Variants in EPSTI1 observed in about 807,000 individuals in gnomAD.
EPSTI1 encodes the protein epithelial stromal interaction 1.
A neutral mutation model predicts 49.9 loss-of-function variants in EPSTI1; 66 were observed. The ratio of observed to expected loss-of-function variants is 1.32; its 90% CI spans 1.08 to 1.62. The LOEUF (loss-of-function observed/expected upper bound fraction) is 1.62. EPSTI1 is among the 40% of genes most tolerant of loss of function. EPSTI1 has a pLI of 0.00. For synonymous variants in EPSTI1, 137 were observed against 130.7 expected, an observed-to-expected ratio of 1.05 and a Z score of -0.33; for missense variants, 394 against 365.5, an observed-to-expected ratio of 1.08 and a Z score of -0.64.
At chr13:42,963,996 TCA>T (rs2039535489) in intron 4 of EPSTI1, 68 bp downstream of exon 4, 3 of 1,318,184 alleles carry the variant, frequency 2.3e-6, no homozygotes, top group Admixed American at 4.2e-5. Flanking sequence ...CTGTGTTATT[TCA>T]CAGTTACTTG....
chr13:42,929,150 T>TA (rs1329089084), intron 6 of EPSTI1, among the ~76,000 whole-genome samples: 1 of 152,260 alleles, frequency 6.6e-6, no homozygotes, highest in Non-Finnish European at 1.5e-5. Context: ...TGCTCACGTC[T>TA]AAATCTCAGT....
chr13:42,894,188 G>T (rs573291957), intron 10 of EPSTI1, among the ~76,000 whole-genome samples: 3 of 152,190 alleles, frequency 2.0e-5, no homozygotes, highest in Admixed American at 2.0e-4. Flanking sequence ...ATGATCTTTT[G>T]TCTGTCAAGT....
chr13:42,952,511 A>G (rs974168110), intron 6 of EPSTI1, among the ~76,000 whole-genome samples: 4 of 152,192 alleles, frequency 2.6e-5, no homozygotes, highest in African/African-American at 4.8e-5. Flanking sequence ...ATACATTCAC[A>G]GTCTTCATCT....
At chr13:42,960,908 GCTCT>G (rs1488408911) in intron 5 of EPSTI1, among the ~76,000 whole-genome samples, 4 of 152,088 alleles carry the variant, frequency 2.6e-5, no homozygotes, top group East Asian at 1.9e-4. Context: ...TGCAGGATAC[GCTCT>G]CTATTTTAAG....
At chr13:42,920,163 G>T (rs1489911754) in intron 7 of EPSTI1, among the ~76,000 whole-genome samples, 1 of 152,100 alleles carries the variant, frequency 6.6e-6, no homozygotes, top group East Asian at 1.9e-4. Context: ...TCTGAATAAG[G>T]TCACATTCTG....
chr13:42,932,873 C>T (rs960515474), intron 6 of EPSTI1, among the ~76,000 whole-genome samples: 3 of 152,184 alleles, frequency 2.0e-5, no homozygotes, highest in Non-Finnish European at 4.4e-5. Flanking sequence ...GACATGGCAT[C>T]ACTTCTGTAA....
chr13:42,973,903 T>C (rs1040867158), intron 1 of EPSTI1, among the ~76,000 whole-genome samples: 5 of 152,250 alleles, frequency 3.3e-5, no homozygotes, highest in African/African-American at 7.2e-5. Context: ...TGAAATTTAA[T>C]GAAAGATCTC....
intron 10 of EPSTI1, among the ~76,000 whole-genome samples, chr13:42,891,406 C>G (rs1228327302): frequency 6.6e-6 from 1 of 152,176 alleles, no homozygotes; most frequent in Non-Finnish European, 1.5e-5. Flanking sequence ...GTGTTTGTAT[C>G]ATTTTGCATG....
intron 6 of EPSTI1, among the ~76,000 whole-genome samples, chr13:42,935,398 A>C (rs1294493062): frequency 1.3e-5 from 2 of 152,170 alleles, no homozygotes; most frequent in Non-Finnish European, 2.9e-5. Context: ...AGATCAAGTC[A>C]ACCATCTGCT....
rs866969863 is a variant in EPSTI1, at chr13:42,955,889, G to A, written c.490-1868C>T. ...ATGAAGAAGTATTTGGGGGGGGGGG[G>A]AAGTAGTAGTAGTAGTATTTCTGGA... On this transcript the variant is annotated intron_variant, in intron 5 of 10. Transcript: ENST00000313624. Among the ~76,000 whole-genome samples, 1,269 of 131,006 alleles carry A rather than the reference G, an allele frequency of 9.7e-3. 15 individuals are homozygous for A. The highest frequency in any genetic ancestry group is 0.014 in the Non-Finnish European group (841 of 60,788). 85.9% of individuals were successfully genotyped at this position (131,006 alleles called of 152,430 possible).
intron 8 of EPSTI1, among the ~76,000 whole-genome samples, chr13:42,910,959 A>G (rs1465621803): frequency 2.6e-5 from 4 of 152,328 alleles, no homozygotes; most frequent in African/African-American, 9.6e-5. Context: ...TAGTTCACTG[A>G]AGTGTTTTTT....
rs902620901 is a variant in EPSTI1 at position 42,954,810 on chromosome 13, T to C, written c.490-789A>G. ...CACATTCTACTATCCAGGAGGATCA[T>C]GAAGTTTTAAATGAATCCAAGAGAG... On this transcript the variant is annotated intron_variant, in intron 5 of 10. Transcript: ENST00000313624. 7.2e-5 allele frequency among the ~76,000 whole-genome samples: 11 copies of C among 152,306 alleles called. No homozygotes were observed. In the East Asian group the frequency reaches 2.1e-3, roughly 29 times the overall value.
intron 10 of EPSTI1, among the ~76,000 whole-genome samples, chr13:42,892,656 G>T (rs1232062258): frequency 1.3e-5 from 2 of 152,166 alleles, no homozygotes; most frequent in Non-Finnish European, 2.9e-5. Context: ...ACACAAGTCT[G>T]GAGTTTGGAG....
chr13:42,963,448 C>A (rs1301844382), intron 4 of EPSTI1, 110 bp from the exon 5 acceptor site: 15 of 785,846 alleles, frequency 1.9e-5, no homozygotes, highest in Admixed American at 5.4e-5. Context: ...TTGTGCTATA[C>A]CTCACCATGA....
At chr13:42,977,946 C>G (rs549159661) in intron 1 of EPSTI1, among the ~76,000 whole-genome samples, 1 of 151,970 alleles carries the variant, frequency 6.6e-6, no homozygotes, top group African/African-American at 2.4e-5. Flanking sequence ...GTCAGGAGAT[C>G]GAGACCATCC....
At chr13:42,964,008 G>C (rs1334913991) in intron 4 of EPSTI1, 58 bp downstream of exon 4, 1 of 1,418,032 alleles carries the variant, frequency 7.1e-7, no homozygotes, top group Admixed American at 2.0e-5. Flanking sequence ...ACAGTTACTT[G>C]TAAGAGCTGG....
intron 1 of EPSTI1, among the ~76,000 whole-genome samples, chr13:42,971,618 G>GA (rs11387987): frequency 0.62 from 93,583 of 151,568 alleles, 29,074 homozygotes; most frequent in Middle Eastern, 0.82. Context: ...AAGAGGGAGG[G>GA]AAAAAACCCC....
intron 1 of EPSTI1, among the ~76,000 whole-genome samples, chr13:42,976,547 A>G (rs1368369794): frequency 4.6e-5 from 7 of 152,218 alleles, no homozygotes; most frequent in Admixed American, 2.0e-4. Context: ...CCACTTACTT[A>G]TGAAATGTGC....
Position 42,917,638 on chromosome 13 carries a change from A to ACCAT in EPSTI1, c.658-15_658-14insATGG. ...CCAGCTTCTGGCCTGTAAAGGTACA[A>ACCAT]AGAGAAAAAAAAAAAAAAAAACAAC... On this transcript the variant is annotated splice_polypyrimidine_tract_variant and intron_variant, in intron 7 of 10. Coordinates refer to ENST00000313624, the MANE Select transcript of EPSTI1 (RefSeq NM_033255.5). 1 of 990,232 alleles carries ACCAT rather than the reference A, an allele frequency of 1.0e-6. No individual in the cohort carries two copies. Among genetic ancestry groups the ACCAT allele is most frequent in the Non-Finnish European group, 1.5e-6 (1 of 680,190 alleles). 61.3% of individuals were successfully genotyped at this position (990,232 alleles called of 1,614,324 possible).
Sources: gnomAD v4.1 joint callset for allele counts (sites outside exome capture counted in the v4.1 genomes callset) on GRCh38, gnomAD v4.1.1 for gene constraint, MANE v1.5 for transcripts, NCBI Gene and HGNC (gene_info 2026-07-23, HGNC 2026-07-21) for gene names.